The following PTPRT variants were observed in gnomAD, a reference collection of about 807,000 sequenced individuals.
PTPRT encodes protein tyrosine phosphatase receptor type T.
In PTPRT, 56 loss-of-function variants were observed where a neutral mutation model predicts 176.8. The ratio of observed to expected loss-of-function variants is 0.32; its 90% CI spans 0.26 to 0.40. The LOEUF is 0.40. PTPRT is among the 10% of genes least tolerant of loss of function. The probability of loss-of-function intolerance (pLI) is 1.00; values close to 1 mark genes in which losing one functional copy is unlikely to be tolerated. For missense variants in PTPRT, 1,540 were observed against 1,908.2 expected, an observed-to-expected ratio of 0.81 and a Z score of 3.60; for synonymous variants, 783 against 739.0, an observed-to-expected ratio of 1.06 and a Z score of -0.96.
chr20:42,229,424 G>A (rs1422736378), intron 15 of PTPRT, among the ~76,000 whole-genome samples: 1 of 152,112 alleles, frequency 6.6e-6, no homozygotes, highest in Non-Finnish European at 1.5e-5. Context: ...ACTTTAAATG[G>A]TTTTCTTCTA....
At chr20:42,269,900 T>C (rs780370245) in intron 13 of PTPRT, among the ~76,000 whole-genome samples, 7 of 152,158 alleles carry the variant, frequency 4.6e-5, no homozygotes, top group Non-Finnish European at 8.8e-5. Flanking sequence ...CACAGAATTG[T>C]TATGTCAACT....
At chr20:42,760,789 T>C (rs1222044930) in intron 5 of PTPRT, among the ~76,000 whole-genome samples, 1 of 152,204 alleles carries the variant, frequency 6.6e-6, no homozygotes. Context: ...CTAGGGCTGA[T>C]ATCCACTTGG....
At chr20:43,076,063 T>G (rs2011266886) in intron 1 of PTPRT, among the ~76,000 whole-genome samples, 1 of 152,218 alleles carries the variant, frequency 6.6e-6, no homozygotes, top group South Asian at 2.1e-4. Flanking sequence ...TACTTAAAAA[T>G]CATTCCCACT....
chr20:42,954,115 C>G (rs1313099508), intron 1 of PTPRT, among the ~76,000 whole-genome samples: 1 of 152,086 alleles, frequency 6.6e-6, no homozygotes, highest in African/African-American at 2.4e-5. Flanking sequence ...GCCCTCGACT[C>G]TGCACACCGT....
intron 1 of PTPRT, among the ~76,000 whole-genome samples, chr20:42,987,880 C>A: frequency 6.6e-6 from 1 of 152,198 alleles, no homozygotes; most frequent in East Asian, 1.9e-4. Flanking sequence ...AGCTGGGGAT[C>A]CTCCTCCATG....
At chr20:42,286,607 T>C (rs1395819490) in intron 12 of PTPRT, among the ~76,000 whole-genome samples, 1 of 151,856 alleles carries the variant, frequency 6.6e-6, no homozygotes, top group Non-Finnish European at 1.5e-5. Flanking sequence ...GACATAAATG[T>C]AAAACTTGAA....
At chr20:42,432,212 G>C (rs1179716494) in intron 9 of PTPRT, among the ~76,000 whole-genome samples, 1 of 152,154 alleles carries the variant, frequency 6.6e-6, no homozygotes, top group Non-Finnish European at 1.5e-5. Flanking sequence ...TTGATACCCA[G>C]GAGCCTATGG....
At chr20:43,113,736 G>A (rs887215126) in intron 1 of PTPRT, among the ~76,000 whole-genome samples, 1 of 152,204 alleles carries the variant, frequency 6.6e-6, no homozygotes, top group Admixed American at 6.5e-5. Context: ...TGGGGTTACT[G>A]CTGAGGCTGG....
At chr20:42,472,921 TA>T (rs1325987736) in intron 7 of PTPRT, among the ~76,000 whole-genome samples, 3 of 152,198 alleles carry the variant, frequency 2.0e-5, no homozygotes, top group Non-Finnish European at 1.5e-5. Context: ...GCTTCTGGGA[TA>T]CGCTTATTTA....
chr20:42,047,595 G>T, the PTPRT span, among the ~76,000 whole-genome samples: 1 of 152,272 alleles, frequency 6.6e-6, no homozygotes, highest in Non-Finnish European at 1.5e-5. Context: ...CTGGCATTCA[G>T]GTATATTCAT....
chr20:42,411,517 C>CAAAAAAAAAAAAAAAAAAAAAA (rs10591184), intron 9 of PTPRT, among the ~76,000 whole-genome samples: 3 of 88,294 alleles, frequency 3.4e-5, no homozygotes, highest in Non-Finnish European at 6.5e-5. Flanking sequence ...AACCCTGTCT[C>CAAAAAAAAAAAAAAAAAAAAAA]AAAAAAAAAA....
At chr20:42,258,746 A>G (rs1362073724) in intron 13 of PTPRT, among the ~76,000 whole-genome samples, 3 of 152,188 alleles carry the variant, frequency 2.0e-5, no homozygotes, top group Admixed American at 6.5e-5. Flanking sequence ...CAAGTAATAA[A>G]TAAATTGCCT....
chr20:42,243,889 C>A (rs1340968440), intron 14 of PTPRT, among the ~76,000 whole-genome samples: 1 of 152,186 alleles, frequency 6.6e-6, no homozygotes, highest in African/African-American at 2.4e-5. Flanking sequence ...AGTATAGCTG[C>A]AGTTTAAATG....
At chr20:42,959,960 C>T (rs1981893636) in intron 1 of PTPRT, among the ~76,000 whole-genome samples, 1 of 152,124 alleles carries the variant, frequency 6.6e-6, no homozygotes, top group Admixed American at 6.5e-5. Context: ...ATCCCATGCT[C>T]AGGTTCCTAG....
chr20:42,894,002 A>C (rs2145895212), intron 1 of PTPRT, among the ~76,000 whole-genome samples: 1 of 151,866 alleles, frequency 6.6e-6, no homozygotes, highest in South Asian at 2.1e-4. Flanking sequence ...CCTAAAACTT[A>C]AGGTATAATA....
intron 1 of PTPRT, among the ~76,000 whole-genome samples, chr20:43,167,182 T>C (rs2014879425): frequency 6.6e-6 from 1 of 152,198 alleles, no homozygotes; most frequent in South Asian, 2.1e-4. Flanking sequence ...CTGGACAAGA[T>C]ACAACTCTGG....
the PTPRT span, among the ~76,000 whole-genome samples, chr20:42,061,860 C>CA: frequency 6.6e-6 from 1 of 152,226 alleles, no homozygotes; most frequent in Non-Finnish European, 1.5e-5. Flanking sequence ...AAGGTGTTGC[C>CA]ACAGACATTT....
chr20:43,069,893 C>G (rs2146268661), intron 1 of PTPRT, among the ~76,000 whole-genome samples: 1 of 152,226 alleles, frequency 6.6e-6, no homozygotes, highest in Non-Finnish European at 1.5e-5. Context: ...GAAAAGCATC[C>G]TATTTTGCCA....
intron 15 of PTPRT, among the ~76,000 whole-genome samples, chr20:42,233,161 T>C (rs536678986): frequency 6.6e-6 from 1 of 152,272 alleles, no homozygotes; most frequent in African/African-American, 2.4e-5. Flanking sequence ...AGGCCTGCTT[T>C]CATCCACCTG....
Sources: allele counts gnomAD v4.1 joint callset (sites outside exome capture counted in the v4.1 genomes callset), GRCh38; gene constraint gnomAD v4.1.1; transcripts MANE v1.5; gene names NCBI Gene and HGNC (gene_info 2026-07-23, HGNC 2026-07-21).